The following NFIB variants were observed in gnomAD, a reference collection of about 807,000 sequenced individuals.
NFIB encodes the protein nuclear factor I B.
Under a neutral mutation model 61.5 loss-of-function variants are expected in NFIB, and 11 were observed. The ratio of observed to expected loss-of-function variants is 0.18; its 90% CI spans 0.11 to 0.30. The LOEUF is 0.30. Among genes scored for constraint, NFIB ranks in the 10% least tolerant of loss-of-function variants. The pLI is 1.00. For synonymous variants in NFIB, 260 were observed against 216.5 expected, an observed-to-expected ratio of 1.20 and a Z score of -1.76; for missense variants, 471 against 608.9, an observed-to-expected ratio of 0.77 and a Z score of 2.38.
chr9:14,411,922 G>C, the NFIB span, among the ~76,000 whole-genome samples: 1 of 152,184 alleles, frequency 6.6e-6, no homozygotes, highest in East Asian at 1.9e-4. Flanking sequence ...AGGGCGTGTT[G>C]TGAGCAGCCC....
chr9:14,169,995 C>G (rs1017792363), intron 3 of NFIB, among the ~76,000 whole-genome samples: 6 of 152,178 alleles, frequency 3.9e-5, no homozygotes, highest in African/African-American at 1.4e-4. Flanking sequence ...GATTAAAACT[C>G]CTCGGGTAAT....
At chr9:14,290,322 A>G (rs1240305632) in intron 2 of NFIB, among the ~76,000 whole-genome samples, 1 of 152,066 alleles carries the variant, frequency 6.6e-6, no homozygotes, top group East Asian at 1.9e-4. Context: ...TCCGCACTTT[A>G]GGCATAGCAT....
At chr9:14,315,666 A>G (rs2060513721), upstream of NFIB, among the ~76,000 whole-genome samples, 1 of 147,642 alleles carries the variant, frequency 6.8e-6, no homozygotes, top group South Asian at 2.2e-4. Context: ...TCGCCCGTGC[A>G]GGCTCCGAGT....
intron 2 of NFIB, among the ~76,000 whole-genome samples, chr9:14,284,367 T>C (rs1041831181): frequency 5.9e-5 from 9 of 152,188 alleles, no homozygotes; most frequent in African/African-American, 2.2e-4. Context: ...ATCTTCTTTC[T>C]CACTAAGATT....
chr9:14,308,093 A>T (rs930899671), intron 1 of NFIB: 1 of 152,268 alleles, frequency 6.6e-6, no homozygotes, highest in African/African-American at 2.4e-5. Context: ...TCTCAGCAAG[A>T]GGCTGCTGGT....
At chr9:14,207,657 C>G (rs1024863376) in intron 2 of NFIB, among the ~76,000 whole-genome samples, 1 of 152,000 alleles carries the variant, frequency 6.6e-6, no homozygotes, top group Non-Finnish European at 1.5e-5. Flanking sequence ...CACCAAAGTC[C>G]TGAAGCTTCA....
the NFIB span, among the ~76,000 whole-genome samples, chr9:14,418,857 G>A: frequency 6.6e-6 from 1 of 152,218 alleles, no homozygotes; most frequent in East Asian, 1.9e-4. Context: ...ATATGCATAA[G>A]TCAGAGTGTA....
chr9:14,112,893 A>G, intron 10 of NFIB, 106 bp downstream of exon 10: 2 of 1,028,184 alleles, frequency 1.9e-6, no homozygotes, highest in Non-Finnish European at 2.8e-6. Context: ...TTTTGGTCTC[A>G]GAAGCCCCGG....
chr9:14,209,654 G>A (rs1053741415), intron 2 of NFIB, among the ~76,000 whole-genome samples: 1 of 152,192 alleles, frequency 6.6e-6, no homozygotes, highest in Admixed American at 6.5e-5. Context: ...GCTTTGCTGC[G>A]CAATCAGAAC....
At chr9:14,092,760 T>C (rs1157865445) in intron 10 of NFIB, among the ~76,000 whole-genome samples, 1 of 151,990 alleles carries the variant, frequency 6.6e-6, no homozygotes, top group Non-Finnish European at 1.5e-5. Flanking sequence ...ACAAATCTAG[T>C]TGAAGTTCTA....
At chr9:14,240,124 T>C (rs1329197080) in intron 2 of NFIB, among the ~76,000 whole-genome samples, 1 of 152,170 alleles carries the variant, frequency 6.6e-6, no homozygotes, top group East Asian at 1.9e-4. Flanking sequence ...ATTAAATATA[T>C]AAATTGCATA....
At chr9:14,524,187 T>G in the NFIB span, among the ~76,000 whole-genome samples, 2 of 152,196 alleles carry the variant, frequency 1.3e-5, no homozygotes. Context: ...TTGGGGCTTA[T>G]AATTTTGGTT....
intron 1 of NFIB, among the ~76,000 whole-genome samples, chr9:14,372,383 C>T (rs924445253): frequency 6.6e-6 from 1 of 152,062 alleles, no homozygotes; most frequent in Non-Finnish European, 1.5e-5. Flanking sequence ...GAAGAGAGGG[C>T]ATTATACAGA....
At chr9:14,434,657 C>A in the NFIB span, among the ~76,000 whole-genome samples, 1 of 152,066 alleles carries the variant, frequency 6.6e-6, no homozygotes, top group Non-Finnish European at 1.5e-5. Flanking sequence ...GAAAAGCTTC[C>A]CAATAACATT....
chr9:14,518,818 G>A, the NFIB span, among the ~76,000 whole-genome samples: 1 of 152,222 alleles, frequency 6.6e-6, no homozygotes, highest in Middle Eastern at 3.4e-3. Context: ...GCACTCTCCA[G>A]GAACCTCAGG....
chr9:14,511,226 A>C, the NFIB span, among the ~76,000 whole-genome samples: 4 of 152,096 alleles, frequency 2.6e-5, no homozygotes, highest in African/African-American at 4.8e-5. Context: ...TTATCAGTAC[A>C]TATTTTCTTA....
intron 10 of NFIB, among the ~76,000 whole-genome samples, chr9:14,092,684 C>G (rs1160946714): frequency 2.0e-5 from 3 of 152,008 alleles, no homozygotes; most frequent in Admixed American, 2.0e-4. Context: ...GAGACTAGTG[C>G]ACAGAATATG....
At chr9:14,117,412 C>T (rs1340879120) in intron 8 of NFIB, among the ~76,000 whole-genome samples, 1 of 151,956 alleles carries the variant, frequency 6.6e-6, no homozygotes, top group African/African-American at 2.4e-5. Context: ...TGGAATTCTC[C>T]ACTGCACGGT....
At chr9:14,418,345 T>C in the NFIB span, among the ~76,000 whole-genome samples, 1 of 152,142 alleles carries the variant, frequency 6.6e-6, no homozygotes, top group Non-Finnish European at 1.5e-5. Context: ...ACATCCACAA[T>C]GGCTCCCACC....
Sources: allele counts gnomAD v4.1 joint callset (sites outside exome capture counted in the v4.1 genomes callset), GRCh38; gene constraint gnomAD v4.1.1; transcripts MANE v1.5; gene names NCBI Gene and HGNC (gene_info 2026-07-23, HGNC 2026-07-21).